The following OXR1 variants were observed in gnomAD, a reference collection of about 807,000 sequenced individuals.
The protein encoded by OXR1 is oxidation resistance protein 1.
OXR1 carries 41 observed loss-of-function variants against 104.6 expected under a neutral mutation model. That is an observed-to-expected ratio of 0.39 (90% confidence interval 0.31 to 0.51). The LOEUF (loss-of-function observed/expected upper bound fraction) is 0.51. Ranked by LOEUF, OXR1 falls within the 20% of genes least tolerant of loss-of-function variation. The probability of loss-of-function intolerance (pLI) is 0.77; values close to 1 mark genes in which losing one functional copy is unlikely to be tolerated. For synonymous variants in OXR1, 348 were observed against 348.4 expected (o/e 1.00, Z 0.01); for missense variants, 955 against 1,031.9 (o/e 0.93, Z 1.02).
intron 2 of OXR1, among the ~76,000 whole-genome samples, chr8:106,471,203 G>A (rs954744644): frequency 2.6e-5 from 4 of 151,596 alleles, no homozygotes; most frequent in Non-Finnish European, 5.9e-5. Flanking sequence ...ATAGAGGAGA[G>A]AGGGGAAATT....
At chr8:106,314,593 C>A (rs1442147348) in intron 1 of OXR1, among the ~76,000 whole-genome samples, 2 of 152,108 alleles carry the variant, frequency 1.3e-5, no homozygotes, top group African/African-American at 4.8e-5. Context: ...CTATGCTAGG[C>A]AGAGCTTTAG....
At chr8:106,628,815 C>G (rs1822403214) in intron 3 of OXR1, among the ~76,000 whole-genome samples, 1 of 152,126 alleles carries the variant, frequency 6.6e-6, no homozygotes, top group Non-Finnish European at 1.5e-5. Flanking sequence ...TCTCCATTGT[C>G]TTCGTACCCT....
intron 3 of OXR1, among the ~76,000 whole-genome samples, chr8:106,619,338 A>C (rs1353809422): frequency 6.6e-6 from 1 of 152,158 alleles, no homozygotes; most frequent in East Asian, 1.9e-4. Flanking sequence ...TCATATCATA[A>C]GACAATTTAT....
intron 2 of OXR1, among the ~76,000 whole-genome samples, chr8:106,436,393 A>G (rs1032051690): frequency 6.6e-6 from 1 of 152,110 alleles, no homozygotes; most frequent in Non-Finnish European, 1.5e-5. Context: ...CAAAGTTGTA[A>G]TCACCTCACT....
chr8:106,671,661 CT>C (rs1224989431), intron 3 of OXR1, among the ~76,000 whole-genome samples: 1 of 151,964 alleles, frequency 6.6e-6, no homozygotes, highest in Non-Finnish European at 1.5e-5. Context: ...AGTTCATGTC[CT>C]TTGCAGGGAC....
chr8:106,749,165 A>C (rs1835662944), intron 16 of OXR1, among the ~76,000 whole-genome samples: 1 of 151,756 alleles, frequency 6.6e-6, no homozygotes, highest in Non-Finnish European at 1.5e-5. Flanking sequence ...ACACAGTGAA[A>C]TCCCATCTCT....
In OXR1 at chr8:106,750,684, A is replaced by G. The variant is rs1835827919; in HGVS notation, c.2487-122A>G. ...AAAACAAAATTGTGTCAGTGTGGAA[A>G]GGAGTAGGGAAGGATTTGAGAAAAT... On this transcript the variant is annotated intron_variant, in intron 16 of 16. Transcript: ENST00000517566. The G allele has an allele frequency of 7.5e-6, 5 of 662,904 alleles. No individual in the cohort carries two copies. The South Asian group carries it at 1.2e-4, about 16-fold the overall frequency. The allele number at this position is 662,904 out of a possible 1,614,324, so 41.1% of individuals were successfully genotyped here.
intron 3 of OXR1, among the ~76,000 whole-genome samples, chr8:106,521,903 GA>G (rs1813290531): frequency 6.6e-6 from 1 of 151,982 alleles, no homozygotes; most frequent in African/African-American, 2.4e-5. Flanking sequence ...GCCAACGAAC[GA>G]ACCCGTCTAC....
rs143318541 is a variant in OXR1 at position 106,470,488 on chromosome 8, G to A, written c.24-48455G>A. 2.0e-4 allele frequency among the ~76,000 whole-genome samples: 30 copies of A among 151,826 alleles called. No individual in the cohort carries two copies. The East Asian group carries it at 5.9e-3, about 30-fold the overall frequency. On this transcript the variant is annotated intron_variant, in intron 2 of 16. Coordinates refer to ENST00000517566, the MANE Select transcript of OXR1 (RefSeq NM_001198533.2). Reference sequence around the variant, plus strand: ...CCAACCAAGATGGGAAAGACTGGGGGGTAGAATAGTTGGAGGGAAATAAAA... The same window carrying A: ...CCAACCAAGATGGGAAAGACTGGGGAGTAGAATAGTTGGAGGGAAATAAAA...
intron 3 of OXR1, among the ~76,000 whole-genome samples, chr8:106,582,526 G>C (rs755147789): frequency 3.3e-5 from 5 of 151,938 alleles, no homozygotes; most frequent in Non-Finnish European, 5.9e-5. Context: ...CCACAATGGA[G>C]AGCGTTAAAT....
intron 3 of OXR1, among the ~76,000 whole-genome samples, chr8:106,583,722 G>T (rs1023643588): frequency 2.6e-5 from 4 of 152,164 alleles, no homozygotes; most frequent in African/African-American, 9.6e-5. Flanking sequence ...CCTGAAAGTA[G>T]TTGGTGATGT....
rs28921437 is a variant in OXR1, at chr8:106,721,077, G to A, written c.1956+7092G>A. 6.0e-3 allele frequency among the ~76,000 whole-genome samples: 908 copies of A among 152,026 alleles called. 4 individuals are homozygous for A. Among genetic ancestry groups the A allele is most frequent in the Admixed American group, 9.8e-3 (150 of 15,270 alleles). On this transcript the variant is annotated intron_variant, in intron 11 of 16. Coordinates refer to ENST00000517566, the MANE Select transcript of OXR1 (RefSeq NM_001198533.2). ...ACCAACTTCAAGAGGCTGTATACTAGAATTTTCTGAAAGTCAAGGATTCAT... is the reference window on the plus strand; with the variant it reads ...ACCAACTTCAAGAGGCTGTATACTAAAATTTTCTGAAAGTCAAGGATTCAT...
chr8:106,737,747 G>T, intron 12 of OXR1, 147 bp downstream of exon 12: 1 of 399,674 alleles, frequency 2.5e-6, no homozygotes, highest in East Asian at 3.6e-5. Context: ...TTATAGTATT[G>T]CCGTGAAGAG....
At chr8:106,646,256 C>G (rs1008529976) in intron 3 of OXR1, among the ~76,000 whole-genome samples, 4 of 151,958 alleles carry the variant, frequency 2.6e-5, no homozygotes, top group Admixed American at 2.0e-4. Flanking sequence ...CAGGTGCACA[C>G]CACCAAGCCT....
chr8:106,495,400 C>T (rs192425312), intron 2 of OXR1, among the ~76,000 whole-genome samples: 2 of 152,106 alleles, frequency 1.3e-5, no homozygotes, highest in Non-Finnish European at 2.9e-5. Context: ...GAGGGTATTC[C>T]GTGTAGATGG....
chr8:106,688,736 G>T (rs1828993182), intron 6 of OXR1, among the ~76,000 whole-genome samples: 1 of 152,082 alleles, frequency 6.6e-6, no homozygotes, highest in Non-Finnish European at 1.5e-5. Flanking sequence ...AATGAGGAAA[G>T]TAAGGCATAG....
intron 1 of OXR1, among the ~76,000 whole-genome samples, chr8:106,316,758 A>ATCTG (rs1245253160): frequency 6.8e-6 from 1 of 148,022 alleles, no homozygotes; most frequent in Non-Finnish European, 1.5e-5. Context: ...CTATCTATCT[A>ATCTG]TCTATCTATC....
intron 2 of OXR1, among the ~76,000 whole-genome samples, chr8:106,401,565 T>A (rs1415465162): frequency 6.6e-6 from 1 of 152,182 alleles, no homozygotes; most frequent in Non-Finnish European, 1.5e-5. Flanking sequence ...GGCAGCTTTT[T>A]CGGTCACTCA....
chr8:106,424,630 G>C (rs1819035885), intron 2 of OXR1, among the ~76,000 whole-genome samples: 1 of 152,020 alleles, frequency 6.6e-6, no homozygotes, highest in Non-Finnish European at 1.5e-5. Flanking sequence ...TATTTCCTCA[G>C]TGTGAATTCA....
Sources: allele counts gnomAD v4.1 joint callset (sites outside exome capture counted in the v4.1 genomes callset), GRCh38; gene constraint gnomAD v4.1.1; transcripts MANE v1.5; gene names NCBI Gene and HGNC (gene_info 2026-07-23, HGNC 2026-07-21).